Variants in SORT1 observed in about 807,000 individuals in gnomAD.
SORT1 encodes the protein sortilin 1.
In SORT1, 39 loss-of-function variants were observed where a neutral mutation model predicts 101.7. The ratio of observed to expected loss-of-function variants is 0.38; its 90% CI spans 0.30 to 0.50. The LOEUF (loss-of-function observed/expected upper bound fraction) is 0.50. SORT1 is among the 20% of genes least tolerant of loss of function. The probability of loss-of-function intolerance (pLI) is 0.90; values close to 1 mark genes in which losing one functional copy is unlikely to be tolerated. For missense variants in SORT1, 878 were observed against 1,040.4 expected, an observed-to-expected ratio of 0.84 and a Z score of 2.15; for synonymous variants, 396 against 393.7, an observed-to-expected ratio of 1.01 and a Z score of -0.07.
chr1:109,365,568 G>A (rs1651030585), intron 3 of SORT1, among the ~76,000 whole-genome samples: 1 of 152,058 alleles, frequency 6.6e-6, no homozygotes, highest in Non-Finnish European at 1.5e-5. Flanking sequence ...GCGCTTTCTA[G>A]CACCAAGATT....
At position 109,354,261 on chromosome 1, in the gene SORT1, T is replaced by C. The variant is rs113008513; in HGVS notation, c.708+106A>G. The stretch of plus-strand genomic sequence containing the variant: ...ACATACTTCATGCCATAAGGAGACT[T>C]GAAAGAAGTCCAATATTAAAAGCAT... On this transcript the variant is annotated intron_variant, in intron 5 of 19. Coordinates refer to ENST00000256637, the MANE Select transcript of SORT1 (RefSeq NM_002959.7). 329 of 824,098 alleles carry C rather than the reference T, an allele frequency of 4.0e-4. No homozygotes were observed. In the African/African-American group the frequency reaches 5.1e-3, roughly 13 times the overall value. 51.0% of individuals were successfully genotyped at this position (824,098 alleles called of 1,614,324 possible). A position where few individuals can be genotyped will look rare whatever the true frequency, so the allele number is the denominator to read the frequency against.
At chr1:109,325,503 G>A (rs539835935) in intron 13 of SORT1, among the ~76,000 whole-genome samples, 2 of 152,094 alleles carry the variant, frequency 1.3e-5, no homozygotes, top group African/African-American at 4.8e-5. Context: ...GCCTCCCAAA[G>A]TGCTGGGATT....
chr1:109,394,722 C>G (rs1426321789), intron 1 of SORT1, among the ~76,000 whole-genome samples: 1 of 152,098 alleles, frequency 6.6e-6, no homozygotes, highest in Non-Finnish European at 1.5e-5. Flanking sequence ...TAGCACAGAT[C>G]TAGGCATTTG....
chr1:109,378,738 AT>A (rs1652029178), intron 1 of SORT1, among the ~76,000 whole-genome samples: 23 of 105,192 alleles, frequency 2.2e-4, no homozygotes, highest in African/African-American at 8.2e-4. Flanking sequence ...ATATATATAT[AT>A]ATATATATAT....
chr1:109,321,593 T>A lies in SORT1; in HGVS notation c.2024+1339A>T, dbSNP rs186723163. On this transcript the variant is annotated intron_variant, in intron 15 of 19. Coordinates refer to ENST00000256637, the MANE Select transcript of SORT1 (RefSeq NM_002959.7). The stretch of plus-strand genomic sequence containing the variant: ...CCCTTAATCATGCCACACACAGGTG[T>A]GAGCCATGCAGGAGAAACCACACTG... Among the ~76,000 whole-genome samples the A allele has an allele frequency of 1.3e-3, 197 of 152,240 alleles. 3 individuals carry two copies. Among genetic ancestry groups the A allele is most frequent in the Admixed American group, 9.9e-3 (152 of 15,280 alleles).
chr1:109,340,364 G>A (rs559866057), intron 10 of SORT1, among the ~76,000 whole-genome samples: 1 of 152,190 alleles, frequency 6.6e-6, no homozygotes, highest in East Asian at 1.9e-4. Context: ...CAAATTCATT[G>A]AGACATAAAA....
rs745772611 is a variant in SORT1 at position 109,340,886 on chromosome 1, T to C, written c.1109-7A>G. 1.2e-6 allele frequency: 2 copies of C among 1,603,258 alleles called. No individual in the cohort carries two copies. Reference sequence around the variant, plus strand: ...ATTGTGCCAAACCCAGTGTCTGAAATAGGCAAACAAACAAAAATACTAAGT... The same window carrying C: ...ATTGTGCCAAACCCAGTGTCTGAAACAGGCAAACAAACAAAAATACTAAGT... On this transcript the variant is annotated splice_polypyrimidine_tract_variant and splice_region_variant and intron_variant, in intron 9 of 19. Transcript: ENST00000256637.
chr1:109,327,816 T>C (rs1237456483), intron 11 of SORT1, among the ~76,000 whole-genome samples: 1 of 152,218 alleles, frequency 6.6e-6, no homozygotes, highest in Non-Finnish European at 1.5e-5. Flanking sequence ...TTTCATCTTA[T>C]AAAATACAAT....
At chr1:109,326,303 T>C (rs1648018806) in intron 13 of SORT1, among the ~76,000 whole-genome samples, 2 of 148,606 alleles carry the variant, frequency 1.3e-5, no homozygotes, top group South Asian at 4.2e-4. Flanking sequence ...TCCACCCACC[T>C]TGGCCTCTCA....
intron 1 of SORT1, among the ~76,000 whole-genome samples, chr1:109,378,975 T>A (rs113717665): frequency 1.1e-3 from 169 of 151,050 alleles, no homozygotes; most frequent in African/African-American, 3.8e-3. Context: ...AAACTCCGTC[T>A]CTACTAAAAA....
rs146248896 is a variant in SORT1, at chr1:109,325,013, A to C, written c.1720T>G (p.Ser574Ala). The change falls in exon 14 of 20, where the codon TCA becomes GCA. Residue 574 changes from serine to alanine, a missense_variant. Physicochemically the swap from Ser to Ala is moderately conservative, Grantham distance 99. This residue lies in a region of SORT1 where 684 missense variants were observed against 894.5 expected (regional missense o/e 0.76). Transcript: ENST00000256637. ...RDPIYFTGLA[S>A]EPGARSMNIS... ...TTCATGGACCTAGCTCCAGGTTCTGAAGCTAGGCCAGTGAAATAGATGGGG... is the reference window on the plus strand; with the variant it reads ...TTCATGGACCTAGCTCCAGGTTCTGCAGCTAGGCCAGTGAAATAGATGGGG... The C allele has an allele frequency of 6.2e-7, 1 of 1,612,588 alleles. No individual in the cohort carries two copies. The highest frequency in any genetic ancestry group is 1.3e-5 in the African/African-American group (1 of 74,872).
intron 2 of SORT1, among the ~76,000 whole-genome samples, chr1:109,367,855 T>G (rs1457471744): frequency 3.9e-5 from 6 of 152,360 alleles, no homozygotes; most frequent in African/African-American, 1.4e-4. Flanking sequence ...CTGTGTCATG[T>G]ATGTCTGTCT....
At chr1:109,390,890 A>G (rs1040642293) in intron 1 of SORT1, among the ~76,000 whole-genome samples, 1 of 152,090 alleles carries the variant, frequency 6.6e-6, no homozygotes, top group Non-Finnish European at 1.5e-5. Context: ...GAGAAGGAAC[A>G]TACATACGTT....
At position 109,393,088 on chromosome 1, in the gene SORT1, C is replaced by A. The variant is rs116767369; in HGVS notation, c.306+4499G>T. 6,281 of 985,342 alleles carry A rather than the reference C, an allele frequency of 6.4e-3. 28 individuals carry two copies. Among genetic ancestry groups the A allele is most frequent in the Middle Eastern group, 0.011 (21 of 1,916 alleles). The allele number at this position is 985,342 out of a possible 1,614,324, so 61.0% of individuals were successfully genotyped here. On this transcript the variant is annotated intron_variant, in intron 1 of 19. Transcript: ENST00000256637. ...CACAACAACAGGCCGAGGTCTTCAG[C>A]GGCAGCTCCCTGAAGCCTCTGACAG...
At chr1:109,314,471 C>A in intron 18 of SORT1, 87 bp from the exon 19 acceptor site, 1 of 1,464,022 alleles carries the variant, frequency 6.8e-7, no homozygotes, top group Non-Finnish European at 9.3e-7. Context: ...GTTTTATACA[C>A]TCAGGAACGC....
chr1:109,354,597 C>A, intron 4 of SORT1, 66 bp from the exon 5 acceptor site: 1 of 1,142,992 alleles, frequency 8.7e-7, no homozygotes, highest in African/African-American at 1.6e-5. Context: ...GGAGTTCTTA[C>A]ACCATTTTCA....
At chr1:109,354,946 C>T (rs1557805687) in intron 4 of SORT1, among the ~76,000 whole-genome samples, 1 of 152,124 alleles carries the variant, frequency 6.6e-6, no homozygotes, top group Non-Finnish European at 1.5e-5. Context: ...GTGTTTAAGG[C>T]AGGCACAGTG....
intron 11 of SORT1, 60 bp from the exon 12 acceptor site, chr1:109,327,661 C>A (rs1570901710): frequency 1.7e-6 from 2 of 1,151,294 alleles, no homozygotes; most frequent in Non-Finnish European, 2.5e-6. Flanking sequence ...TTTCTTTAAT[C>A]ATTTCACAAA....
chr1:109,324,070 T>C (rs1473387175), intron 14 of SORT1, among the ~76,000 whole-genome samples: 1 of 152,224 alleles, frequency 6.6e-6, no homozygotes, highest in Non-Finnish European at 1.5e-5. Context: ...TTAAGTCTTT[T>C]ATTGTATTAT....
Sources: allele counts gnomAD v4.1 joint callset (sites outside exome capture counted in the v4.1 genomes callset), GRCh38; gene constraint gnomAD v4.1.1; regional missense constraint gnomAD v4.1.1; transcripts MANE v1.5; gene names NCBI Gene and HGNC (gene_info 2026-07-23, HGNC 2026-07-21).